GNG4: variants seen among roughly 807,000 people sequenced by gnomAD.
GNG4 encodes the protein guanine nucleotide-binding protein G(I)/G(S)/G(O) subunit gamma-4.
A neutral mutation model predicts 5.8 loss-of-function variants in GNG4; 4 were observed. The observed-to-expected ratio is 0.69, with a 90% CI of 0.34 to 1.57. The LOEUF (loss-of-function observed/expected upper bound fraction) is 1.57. GNG4 is among the 40% of genes most tolerant of loss of function. The pLI is 0.06. For missense variants in GNG4, 96 were observed against 95.1 expected (o/e 1.01, Z -0.04); for synonymous variants, 29 against 32.9 (o/e 0.88, Z 0.41).
At chr1:235,592,378 A>G (rs977959941) in intron 2 of GNG4, among the ~76,000 whole-genome samples, 5 of 151,894 alleles carry the variant, frequency 3.3e-5, no homozygotes, top group Admixed American at 3.3e-4. Context: ...GCATGGTGGC[A>G]CGTGCCTGTA....
rs527244903 is a variant in GNG4 at position 235,612,586 on chromosome 1, G to A, written c.-122-17075C>T. Among the ~76,000 whole-genome samples the A allele has an allele frequency of 1.6e-4, 24 of 152,200 alleles. No individual in the cohort carries two copies. The South Asian group carries it at 5.0e-3, about 32-fold the overall frequency. ...CACCCAGGCTGGAGTGCAGTGGTAC[G>A]ATCATGACTCATTGCAGCCTTGACA... On this transcript the variant is annotated intron_variant, in intron 1 of 3. Coordinates refer to ENST00000391854, the MANE Select transcript of GNG4 (RefSeq NM_001098722.2).
At chr1:235,636,495 G>T (rs1234756793) in intron 1 of GNG4, among the ~76,000 whole-genome samples, 12 of 152,260 alleles carry the variant, frequency 7.9e-5, no homozygotes, top group Admixed American at 5.2e-4. Context: ...GCCACATGGG[G>T]AGCAGTGCCT....
chr1:235,605,955 TG>T (rs537694980), intron 1 of GNG4, among the ~76,000 whole-genome samples: 3 of 106,088 alleles, frequency 2.8e-5, no homozygotes, highest in East Asian at 5.2e-4. Context: ...ATTGAGAGTG[TG>T]GGGGGGTGGG....
chr1:235,576,078 TTGAGACA>T (rs1687476227), intron 3 of GNG4, among the ~76,000 whole-genome samples: 1 of 134,942 alleles, frequency 7.4e-6, no homozygotes. Context: ...TTTTTTTTTT[TTGAGACA>T]GAGTCTCACT....
At chr1:235,552,453 T>C (rs957477996) in intron 3 of GNG4, among the ~76,000 whole-genome samples, 2 of 152,148 alleles carry the variant, frequency 1.3e-5, no homozygotes, top group African/African-American at 4.8e-5. Flanking sequence ...TGCCCTCGCA[T>C]GGCAGGCCAG....
At chr1:235,603,187 G>C (rs1688291100) in intron 1 of GNG4, among the ~76,000 whole-genome samples, 1 of 151,840 alleles carries the variant, frequency 6.6e-6, no homozygotes, top group Non-Finnish European at 1.5e-5. Context: ...AGGTTGCAGT[G>C]AGCAGAGATC....
chr1:235,587,324 TGA>T (rs1438914059), intron 2 of GNG4, among the ~76,000 whole-genome samples: 6 of 33,464 alleles, frequency 1.8e-4, no homozygotes, highest in South Asian at 8.4e-4. Context: ...TGTGTGTGTG[TGA>T]GAGTGTGAGA....
Position 235,642,006 on chromosome 1 carries a change from G to A in GNG4, c.-123+7656C>T, listed in dbSNP as rs1657342404. ...TCCACCGTAACAGAACTTCCATGAG[G>A]GCGGGGATTTTTCGCTTCCCCCGCA... On this transcript the variant is annotated intron_variant, in intron 1 of 3. Transcript: ENST00000391854. The surrounding 1 kb of genome is among the most constrained non-coding windows in gnomAD (Gnocchi z 4.3). 6.6e-6 allele frequency among the ~76,000 whole-genome samples: 1 copy of A among 152,186 alleles called. No homozygotes were observed. Among genetic ancestry groups the A allele is most frequent in the Non-Finnish European group, 1.5e-5 (1 of 68,038 alleles).
At chr1:235,613,293 T>C (rs996536562) in intron 1 of GNG4, among the ~76,000 whole-genome samples, 20 of 152,322 alleles carry the variant, frequency 1.3e-4, no homozygotes, top group African/African-American at 4.3e-4. Flanking sequence ...AGTTGACATA[T>C]AGCATCTTAA....
chr1:235,570,925 C>CACAT lies in GNG4; in HGVS notation c.99+12814_99+12815insATGT, dbSNP rs200668719. Among the ~76,000 whole-genome samples, 505 of 124,346 alleles carry CACAT rather than the reference C, an allele frequency of 4.1e-3. 7 individuals are homozygous for CACAT. The highest frequency in any genetic ancestry group is 0.014 in the African/African-American group (425 of 31,100). 81.6% of individuals were successfully genotyped at this position (124,346 alleles called of 152,430 possible). On this transcript the variant is annotated intron_variant, in intron 3 of 3. Transcript: ENST00000391854. ...GTGTGTGTGTATACATATATATATA[C>CACAT]ACACACACACACACACACACATATA...
intron 1 of GNG4, among the ~76,000 whole-genome samples, chr1:235,600,124 TTTTTTAGAC>T: frequency 7.4e-6 from 1 of 134,600 alleles, no homozygotes; most frequent in Non-Finnish European, 1.6e-5. Context: ...TTTTTTTTTT[TTTTTTAGAC>T]AGGCAGAGTC....
intron 2 of GNG4, among the ~76,000 whole-genome samples, chr1:235,585,408 TA>T (rs200238277): frequency 6.6e-6 from 1 of 152,204 alleles, no homozygotes; most frequent in Non-Finnish European, 1.5e-5. Flanking sequence ...CCTGGCTAAT[TA>T]AAAAATTTTT....
Position 235,593,870 on chromosome 1 carries a change from C to G in GNG4, c.-11+1530G>C, listed in dbSNP as rs150468779. ...GGCAGTGGGGGCCCAGAGTGAGCAG[C>G]AGCAGAATTTGTTGCAAAGAGCAAA... On this transcript the variant is annotated intron_variant, in intron 2 of 3. Transcript: ENST00000391854. Among the ~76,000 whole-genome samples the G allele has an allele frequency of 4.6e-5, 7 of 152,186 alleles. No homozygotes were observed. In the South Asian group the frequency reaches 8.3e-4, roughly 18 times the overall value.
intron 1 of GNG4, among the ~76,000 whole-genome samples, chr1:235,613,548 A>G (rs1198890368): frequency 6.6e-6 from 1 of 152,032 alleles, no homozygotes; most frequent in African/African-American, 2.4e-5. Context: ...AGAGAGAGAG[A>G]TGAAGATGCT....
intron 2 of GNG4, among the ~76,000 whole-genome samples, chr1:235,592,688 C>T (rs918315797): frequency 7.2e-5 from 11 of 152,104 alleles, no homozygotes; most frequent in Admixed American, 5.2e-4. Flanking sequence ...TGAAGATAGC[C>T]GCCCTTTTCG....
At chr1:235,621,904 A>C (rs1294422192) in intron 1 of GNG4, among the ~76,000 whole-genome samples, 1 of 151,326 alleles carries the variant, frequency 6.6e-6, no homozygotes, top group East Asian at 2.0e-4. Context: ...CTCGAACTCC[A>C]AGGTTCAAGC....
intron 1 of GNG4, chr1:235,615,885 G>T (rs913717921): frequency 3.5e-6 from 1 of 282,062 alleles, no homozygotes; most frequent in Admixed American, 5.0e-5. Flanking sequence ...TGCTGGTTCT[G>T]CAGGCTCCCC....
intron 1 of GNG4, among the ~76,000 whole-genome samples, chr1:235,639,669 C>G (rs1211750464): frequency 1.3e-4 from 20 of 152,170 alleles, no homozygotes; most frequent in Non-Finnish European, 2.8e-4. Context: ...TCACAACCAG[C>G]TAATTTTTGT....
At chr1:235,559,517 C>T (rs1687003700) in intron 3 of GNG4, among the ~76,000 whole-genome samples, 1 of 152,068 alleles carries the variant, frequency 6.6e-6, no homozygotes, top group South Asian at 2.1e-4. Flanking sequence ...TTATGGCTTT[C>T]AGAGGATCCC....
Sources: gnomAD v4.1 joint callset for allele counts (sites outside exome capture counted in the v4.1 genomes callset) on GRCh38, gnomAD v4.1.1 for gene constraint, Gnocchi (gnomAD v3.1) non-coding constraint, MANE v1.5 for transcripts, NCBI Gene and HGNC (gene_info 2026-07-23, HGNC 2026-07-21) for gene names.